Variants in PTPRN2 observed in about 807,000 individuals in gnomAD.
PTPRN2 encodes receptor-type tyrosine-protein phosphatase N2.
Under a neutral mutation model 118.8 loss-of-function variants are expected in PTPRN2, and 74 were observed. The observed-to-expected ratio is 0.62, with a 90% CI of 0.52 to 0.76. The LOEUF is 0.76. PTPRN2 is among the 30% of genes least tolerant of loss of function. The probability of loss-of-function intolerance (pLI) is 0.00; values close to 1 mark genes in which losing one functional copy is unlikely to be tolerated. For missense variants in PTPRN2, 1,481 were observed against 1,394.4 expected (o/e 1.06, Z -0.99); for synonymous variants, 641 against 608.0 (o/e 1.05, Z -0.80).
At position 157,609,435 on chromosome 7, in the gene PTPRN2, A is replaced by C. The variant is rs947111146; in HGVS notation, c.2345-5360T>G. On this transcript the variant is annotated intron_variant, in intron 15 of 22. Transcript: ENST00000389418. This position sits in a 1 kb window ranked among gnomAD's most constrained non-coding sequence, Gnocchi z 4.9. ...AAAAAGAGTATTTCAAATTTCTCAG[A>C]TGTTCCATATTTTCACGGATTAGAT... Among the ~76,000 whole-genome samples, 10 of 152,166 alleles carry C rather than the reference A, an allele frequency of 6.6e-5. No homozygotes were observed. The highest frequency in any genetic ancestry group is 2.4e-4 in the African/African-American group (10 of 41,438).
rs1802887715 is a variant in PTPRN2 at position 157,617,757 on chromosome 7, G to A, written c.2344+3605C>T. The A allele has an allele frequency of 6.6e-6, 1 of 152,300 alleles. No homozygotes were observed. Among genetic ancestry groups the A allele is most frequent in the Admixed American group, 6.5e-5 (1 of 15,288 alleles). 9.4% of individuals were successfully genotyped at this position (152,300 alleles called of 1,614,324 possible). On this transcript the variant is annotated intron_variant, in intron 15 of 22. Transcript: ENST00000389418. The surrounding 1 kb of genome is among the most constrained non-coding windows in gnomAD (Gnocchi z 7.5). Reference sequence around the variant, plus strand: ...CCAGCAGCAATGCCCTCAGAAGCTGGGAGATGTGAACCCCACATGACTCTC... The same window carrying A: ...CCAGCAGCAATGCCCTCAGAAGCTGAGAGATGTGAACCCCACATGACTCTC...
intron 2 of PTPRN2, among the ~76,000 whole-genome samples, chr7:158,368,061 G>A (rs1051375953): frequency 3.9e-5 from 6 of 152,198 alleles, no homozygotes; most frequent in African/African-American, 1.2e-4. Flanking sequence ...AGCACCAGAA[G>A]TCACCGAGCA....
chr7:158,342,159 C>T (rs192536775), intron 2 of PTPRN2, among the ~76,000 whole-genome samples: 192 of 139,732 alleles, frequency 1.4e-3, no homozygotes, highest in Middle Eastern at 0.013. Context: ...TCACTCACAC[C>T]CACACTCTCA....
chr7:157,932,379 G>T (rs58819841), intron 11 of PTPRN2, among the ~76,000 whole-genome samples: 1 of 135,904 alleles, frequency 7.4e-6, no homozygotes, highest in Non-Finnish European at 1.7e-5. Context: ...CTTCAATTTA[G>T]AAAATCCTTC....
At chr7:158,285,473 C>A (rs950659053) in intron 3 of PTPRN2, among the ~76,000 whole-genome samples, 8 of 152,312 alleles carry the variant, frequency 5.3e-5, no homozygotes, top group African/African-American at 1.9e-4. Context: ...GAGCTGAGCG[C>A]TCAGGTCCTC....
intron 12 of PTPRN2, among the ~76,000 whole-genome samples, chr7:157,728,768 T>C (rs1044498797): frequency 2.0e-5 from 3 of 152,238 alleles, no homozygotes; most frequent in African/African-American, 7.2e-5. Context: ...CTGCTTCTTA[T>C]ATGAGGTTAA....
chr7:157,745,680 C>G (rs1313686875), intron 12 of PTPRN2, among the ~76,000 whole-genome samples: 1 of 152,170 alleles, frequency 6.6e-6, no homozygotes, highest in Non-Finnish European at 1.5e-5. Context: ...TCTCAAATGT[C>G]AGCATCTTTT....
intron 11 of PTPRN2, among the ~76,000 whole-genome samples, chr7:157,901,857 G>A (rs537021471): frequency 8.9e-5 from 12 of 135,326 alleles, no homozygotes; most frequent in African/African-American, 3.6e-4. Context: ...GGACCTTCCC[G>A]TCCGTGTTTC....
intron 14 of PTPRN2, among the ~76,000 whole-genome samples, chr7:157,654,253 CCA>C (rs1805910631): frequency 8.2e-5 from 11 of 134,630 alleles, no homozygotes; most frequent in East Asian, 2.4e-4. Flanking sequence ...ACGATGCCCA[CCA>C]CTCCCCACAC....
chr7:158,387,516 A>C, intron 2 of PTPRN2, among the ~76,000 whole-genome samples: 2 of 152,296 alleles, frequency 1.3e-5, no homozygotes, highest in Admixed American at 6.5e-5. Context: ...CGATGTTGGA[A>C]AGCACTCTCT....
At position 157,540,461 on chromosome 7, in the gene PTPRN2, A is replaced by G; in HGVS notation, c.*253T>C. Reference sequence around the variant, plus strand: ...GTGAACGGGTGCTTTAAGAAAAAGTATTTTTTTTAAGCAAGTGAAAATTGA... The same window carrying G: ...GTGAACGGGTGCTTTAAGAAAAAGTGTTTTTTTTAAGCAAGTGAAAATTGA... On this transcript the variant is annotated 3_prime_UTR_variant, in exon 23 of 23. Coordinates refer to ENST00000389418, the MANE Select transcript of PTPRN2 (RefSeq NM_002847.5). The G allele has an allele frequency of 5.1e-6, 2 of 389,528 alleles. No homozygotes were observed. Among genetic ancestry groups the G allele is most frequent in the Non-Finnish European group, 9.2e-6 (2 of 218,054 alleles). The allele number at this position is 389,528 out of a possible 1,614,324, so 24.1% of individuals were successfully genotyped here.
At chr7:157,837,427 AGT>A (rs1563157401) in intron 12 of PTPRN2, among the ~76,000 whole-genome samples, 1 of 151,266 alleles carries the variant, frequency 6.6e-6, no homozygotes, top group Non-Finnish European at 1.5e-5. Context: ...TGGGGGATGT[AGT>A]GTCTGATGGA....
intron 11 of PTPRN2, among the ~76,000 whole-genome samples, chr7:158,071,298 G>GTGA (rs1811494725): frequency 9.6e-6 from 1 of 104,666 alleles, no homozygotes; most frequent in Non-Finnish European, 1.9e-5. Flanking sequence ...GGAGGTGCTC[G>GTGA]TGGTGGAGGT....
intron 12 of PTPRN2, among the ~76,000 whole-genome samples, chr7:157,870,124 A>G (rs1323444890): frequency 2.6e-5 from 4 of 152,208 alleles, no homozygotes; most frequent in Admixed American, 6.5e-5. Flanking sequence ...CCTTGGCTGC[A>G]GCTCATCTGG....
intron 14 of PTPRN2, among the ~76,000 whole-genome samples, chr7:157,650,315 G>C (rs1192260859): frequency 6.6e-6 from 1 of 152,246 alleles, no homozygotes; most frequent in Non-Finnish European, 1.5e-5. Context: ...GTGCTGGGAA[G>C]GGGGGACTAT....
At position 157,585,348 on chromosome 7, in the gene PTPRN2, G is replaced by A. The variant is rs1800619561; in HGVS notation, c.2497-7208C>T. 6.6e-6 allele frequency among the ~76,000 whole-genome samples: 1 copy of A among 152,184 alleles called. No individual in the cohort carries two copies. The highest frequency in any genetic ancestry group is 2.4e-5 in the African/African-American group (1 of 41,456). ...GGAGGAAGGGGAAGCCTCAGAATGA[G>A]GACTTGCCACTCCACCAAAGTCGGG... On this transcript the variant is annotated intron_variant, in intron 17 of 22. Coordinates refer to ENST00000389418, the MANE Select transcript of PTPRN2 (RefSeq NM_002847.5). The surrounding 1 kb of genome is among the most constrained non-coding windows in gnomAD (Gnocchi z 5.2).
At chr7:157,686,432 A>G (rs1044994646) in intron 12 of PTPRN2, among the ~76,000 whole-genome samples, 1 of 152,218 alleles carries the variant, frequency 6.6e-6, no homozygotes, top group Non-Finnish European at 1.5e-5. Context: ...GTTAAAAAAA[A>G]TCTTCAAACT....
rs1796653490 is a variant in PTPRN2, at chr7:157,676,080, G to A, written c.2001+6645C>T. On this transcript the variant is annotated intron_variant, in intron 13 of 22. Transcript: ENST00000389418. The surrounding 1 kb of genome is among the most constrained non-coding windows in gnomAD (Gnocchi z 5.6). ...TGGAGCGCCACAGACTGCAGGGTTT[G>A]TCCTTGTCACGAACTCAAAGAGCTG... Among the ~76,000 whole-genome samples the A allele has an allele frequency of 6.6e-6, 1 of 152,062 alleles. No individual in the cohort carries two copies. Among genetic ancestry groups the A allele is most frequent in the Admixed American group, 6.5e-5 (1 of 15,272 alleles).
At chr7:158,351,000 G>A (rs1237821155) in intron 2 of PTPRN2, among the ~76,000 whole-genome samples, 1 of 152,174 alleles carries the variant, frequency 6.6e-6, no homozygotes, top group Non-Finnish European at 1.5e-5. Context: ...TCAACTGCCT[G>A]GAAATCCCTG....
Sources: gnomAD v4.1 joint callset for allele counts (sites outside exome capture counted in the v4.1 genomes callset) on GRCh38, gnomAD v4.1.1 for gene constraint, Gnocchi (gnomAD v3.1) non-coding constraint, MANE v1.5 for transcripts, NCBI Gene and HGNC (gene_info 2026-07-23, HGNC 2026-07-21) for gene names.